The following ATE1 variants were observed in gnomAD, a reference collection of about 807,000 sequenced individuals.
ATE1 encodes arginyl-tRNA--protein transferase 1.
In ATE1, 36 loss-of-function variants were observed where a neutral mutation model predicts 70.5. The observed-to-expected ratio is 0.51, with a 90% confidence interval of 0.39 to 0.67. ATE1 has a LOEUF of 0.67. Among genes scored for constraint, ATE1 ranks in the 30% least tolerant of loss-of-function variants. ATE1 has a pLI of 0.00. For missense variants in ATE1, 593 were observed against 629.5 expected, an observed-to-expected ratio of 0.94 and a Z score of 0.62; for synonymous variants, 232 against 219.3, an observed-to-expected ratio of 1.06 and a Z score of -0.51.
intron 11 of ATE1, among the ~76,000 whole-genome samples, chr10:121,784,948 T>C (rs1946146449): frequency 6.6e-6 from 1 of 152,186 alleles, no homozygotes; most frequent in Non-Finnish European, 1.5e-5. Flanking sequence ...CTGTCCATAT[T>C]TTCCATATTA....
At chr10:121,885,985 G>C (rs1272827771) in intron 7 of ATE1, among the ~76,000 whole-genome samples, 1 of 152,020 alleles carries the variant, frequency 6.6e-6, no homozygotes, top group African/African-American at 2.4e-5. Context: ...ATATGCCAGA[G>C]TTAAATATTT....
intron 8 of ATE1, among the ~76,000 whole-genome samples, chr10:121,852,127 T>C (rs1446429347): frequency 6.6e-6 from 1 of 152,214 alleles, no homozygotes; most frequent in African/African-American, 2.4e-5. Flanking sequence ...AGGCCAGTAT[T>C]TGAGGGGATT....
chr10:121,854,453 C>T (rs561424030), intron 8 of ATE1, among the ~76,000 whole-genome samples: 3 of 152,296 alleles, frequency 2.0e-5, no homozygotes, highest in African/African-American at 7.2e-5. Flanking sequence ...CACTGAGAAG[C>T]TCAAGTAGAC....
intron 11 of ATE1, among the ~76,000 whole-genome samples, chr10:121,787,709 C>T (rs1946271005): frequency 6.6e-6 from 1 of 152,200 alleles, no homozygotes; most frequent in Admixed American, 6.5e-5. Context: ...TCATCGCTCA[C>T]CAGGATACAG....
intron 10 of ATE1, among the ~76,000 whole-genome samples, chr10:121,817,751 G>A (rs1017397344): frequency 6.6e-6 from 1 of 152,046 alleles, no homozygotes; most frequent in Non-Finnish European, 1.5e-5. Context: ...AAGATAAGAA[G>A]AGTCAAGCCA....
intron 10 of ATE1, among the ~76,000 whole-genome samples, chr10:121,831,460 T>A (rs1344343254): frequency 2.6e-5 from 4 of 152,152 alleles, no homozygotes; most frequent in Non-Finnish European, 4.4e-5. Context: ...CGACGACTGC[T>A]CCCTCCTCTG....
chr10:121,861,831 GT>G (rs1185580271), intron 8 of ATE1, among the ~76,000 whole-genome samples: 5 of 151,612 alleles, frequency 3.3e-5, no homozygotes, highest in Non-Finnish European at 5.9e-5. Flanking sequence ...CTGAAGTACC[GT>G]AAGCCCTCAT....
chr10:121,859,083 A>G (rs1312893355), intron 8 of ATE1, among the ~76,000 whole-genome samples: 1 of 152,088 alleles, frequency 6.6e-6, no homozygotes, highest in African/African-American at 2.4e-5. Flanking sequence ...CAATAAGAGC[A>G]AAACTCCGTC....
At chr10:121,862,644 G>C (rs1360318827) in intron 8 of ATE1, among the ~76,000 whole-genome samples, 1 of 146,840 alleles carries the variant, frequency 6.8e-6, no homozygotes, top group South Asian at 2.1e-4. Context: ...AAAGTGCTGA[G>C]ATTACAAGCA....
intron 8 of ATE1, among the ~76,000 whole-genome samples, chr10:121,861,409 G>A (rs1949462468): frequency 6.6e-6 from 1 of 151,900 alleles, no homozygotes; most frequent in Non-Finnish European, 1.5e-5. Flanking sequence ...ATATATGGCT[G>A]CAATAAAAAA....
chr10:121,761,697 C>G (rs1487993074), intron 11 of ATE1, among the ~76,000 whole-genome samples: 1 of 152,136 alleles, frequency 6.6e-6, no homozygotes, highest in Non-Finnish European at 1.5e-5. Flanking sequence ...CCTCCCTAGC[C>G]CTGCCTCCCA....
chr10:121,844,334 C>T (rs73364426), intron 8 of ATE1, among the ~76,000 whole-genome samples: 4,944 of 152,210 alleles, frequency 0.032, 150 homozygotes, highest in African/African-American at 0.082. Context: ...GGCAAACAAA[C>T]ATATGAAAAG....
chr10:121,775,031 A>G (rs909092966), intron 11 of ATE1, among the ~76,000 whole-genome samples: 2 of 152,226 alleles, frequency 1.3e-5, no homozygotes, highest in Non-Finnish European at 2.9e-5. Context: ...CACTTGGCAG[A>G]CAGACAGTTA....
At chr10:121,903,666 G>T (rs923626077) in intron 5 of ATE1, among the ~76,000 whole-genome samples, 1 of 151,970 alleles carries the variant, frequency 6.6e-6, no homozygotes, top group Non-Finnish European at 1.5e-5. Flanking sequence ...CAGCCTGGGC[G>T]ACAGAGTGAG....
At chr10:121,811,951 CTTTTTTTT>C (rs71022870) in intron 10 of ATE1, among the ~76,000 whole-genome samples, 15 of 74,740 alleles carry the variant, frequency 2.0e-4, no homozygotes, top group South Asian at 5.7e-4. Context: ...ATTCCAAATT[CTTTTTTTT>C]TTTTTTTTTT....
chr10:121,765,180 G>A (rs1945224543), intron 11 of ATE1, among the ~76,000 whole-genome samples: 1 of 152,232 alleles, frequency 6.6e-6, no homozygotes, highest in Non-Finnish European at 1.5e-5. Flanking sequence ...AACAGAGGAA[G>A]GAGCTTCTGA....
At chr10:121,832,675 G>A (rs933204680) in intron 10 of ATE1, among the ~76,000 whole-genome samples, 3 of 152,124 alleles carry the variant, frequency 2.0e-5, no homozygotes, top group African/African-American at 7.2e-5. Flanking sequence ...ATGATTCTGA[G>A]GCCTCTCCAG....
chr10:121,786,373 A>G (rs1052321197), intron 11 of ATE1, among the ~76,000 whole-genome samples: 5 of 152,106 alleles, frequency 3.3e-5, no homozygotes, highest in African/African-American at 1.2e-4. Flanking sequence ...GCTTTTCTGT[A>G]AAATATCTGT....
chr10:121,920,173 C>T (rs1300758287), intron 3 of ATE1, among the ~76,000 whole-genome samples: 1 of 151,904 alleles, frequency 6.6e-6, no homozygotes, highest in Non-Finnish European at 1.5e-5. Flanking sequence ...TGTTAACGCA[C>T]TTTTCACATT....
Sources: gnomAD v4.1 joint callset for allele counts (sites outside exome capture counted in the v4.1 genomes callset) on GRCh38, gnomAD v4.1.1 for gene constraint, MANE v1.5 for transcripts, NCBI Gene and HGNC (gene_info 2026-07-23, HGNC 2026-07-21) for gene names.